The following HK1 variants were observed in gnomAD, a reference collection of about 807,000 sequenced individuals.
HK1 encodes hexokinase 1, also known as hexokinase-1.
In HK1, 28 loss-of-function variants were observed where a neutral mutation model predicts 91.6. The ratio of observed to expected loss-of-function variants is 0.31; its 90% CI spans 0.23 to 0.42. HK1 has a LOEUF of 0.42. Among genes scored for constraint, HK1 ranks in the 10% least tolerant of loss-of-function variants. HK1 has a pLI of 1.00. For missense variants in HK1, 770 were observed against 1,219.8 expected, an observed-to-expected ratio of 0.63 and a Z score of 5.49; for synonymous variants, 430 against 468.1, an observed-to-expected ratio of 0.92 and a Z score of 1.05.
chr10:69,389,546 A>G (rs1839802207), intron 14 of HK1: 4 of 512,414 alleles, frequency 7.8e-6, no homozygotes, highest in South Asian at 7.7e-5. Flanking sequence ...CAAGAACTGA[A>G]CTCTTCAGGA....
chr10:69,296,474 C>G (rs999861758), intron 4 of HK1: 1 of 152,046 alleles, frequency 6.6e-6, no homozygotes, highest in Non-Finnish European at 1.5e-5. Context: ...AAATAAGACT[C>G]GGTCTCCAGC....
chr10:69,317,567 A>G (rs2132557222), upstream of HK1, among the ~76,000 whole-genome samples: 1 of 152,276 alleles, frequency 6.6e-6, no homozygotes, highest in South Asian at 2.1e-4. Flanking sequence ...GTTGGATCTC[A>G]GGGCACCATA....
intron 5 of HK1, among the ~76,000 whole-genome samples, chr10:69,306,991 T>C (rs1846138393): frequency 1.3e-5 from 2 of 152,232 alleles, no homozygotes; most frequent in East Asian, 3.9e-4. Context: ...CAAATATGTG[T>C]TGGGTGAATA....
chr10:69,388,914 A>G (rs1051077613), intron 13 of HK1, among the ~76,000 whole-genome samples: 1 of 152,214 alleles, frequency 6.6e-6, no homozygotes, highest in Non-Finnish European at 1.5e-5. Context: ...CTATTTGACC[A>G]TTGCCCCTTG....
At chr10:69,377,456 C>G (rs951476944) in intron 8 of HK1, among the ~76,000 whole-genome samples, 3 of 151,712 alleles carry the variant, frequency 2.0e-5, no homozygotes, top group Non-Finnish European at 4.4e-5. Flanking sequence ...TGGTAAAGCC[C>G]GGAGCCTGGG....
At chr10:69,278,533 T>C (rs865969268) in intron 1 of HK1, 1 of 152,260 alleles carries the variant, frequency 6.6e-6, no homozygotes, top group Non-Finnish European at 1.5e-5. Flanking sequence ...GGTCAGGGAA[T>C]GCACTGGGGC....
intron 3 of HK1, among the ~76,000 whole-genome samples, chr10:69,292,744 A>T (rs1235264522): frequency 6.6e-6 from 1 of 152,164 alleles, no homozygotes; most frequent in Non-Finnish European, 1.5e-5. Context: ...GTTTTCCCCC[A>T]ACCTCCAGTG....
chr10:69,349,713 A>G (rs1207309266), intron 2 of HK1, among the ~76,000 whole-genome samples: 1 of 152,178 alleles, frequency 6.6e-6, no homozygotes, highest in Non-Finnish European at 1.5e-5. Flanking sequence ...ACTGGACACG[A>G]CAGCTCTGAA....
chr10:69,346,342 A>G (rs1254365741), intron 2 of HK1, among the ~76,000 whole-genome samples: 1 of 152,210 alleles, frequency 6.6e-6, no homozygotes, highest in Non-Finnish European at 1.5e-5. Flanking sequence ...TTCCAAGGCA[A>G]AGGAAGGAAA....
chr10:69,280,858 G>A (rs1445617494), intron 1 of HK1, among the ~76,000 whole-genome samples: 1 of 152,208 alleles, frequency 6.6e-6, no homozygotes, highest in Non-Finnish European at 1.5e-5. Context: ...AATATGATGT[G>A]CTAGGTTCTT....
rs1277528000 is a variant in HK1, at chr10:69,348,367, G to A, written c.226+4378G>A. Among the ~76,000 whole-genome samples, 3 of 152,168 alleles carry A rather than the reference G, an allele frequency of 2.0e-5. No homozygotes were observed. In the East Asian group the frequency reaches 5.8e-4, roughly 29 times the overall value. On this transcript the variant is annotated intron_variant, in intron 2 of 17. Coordinates refer to ENST00000359426, the MANE Select transcript of HK1 (RefSeq NM_000188.3). ...TTACCTTCTCTTCTTGCAGCATTTGGGTGGTCTCAGTTTTCTTATATGGAA... is the reference window on the plus strand; with the variant it reads ...TTACCTTCTCTTCTTGCAGCATTTGAGTGGTCTCAGTTTTCTTATATGGAA...
At chr10:69,295,053 CAAA>C (rs1190644487) in intron 3 of HK1, among the ~76,000 whole-genome samples, 3 of 117,098 alleles carry the variant, frequency 2.6e-5, no homozygotes, top group African/African-American at 3.1e-5. Flanking sequence ...GACCCTGTCT[CAAA>C]AAAAAAAAAA....
In HK1 at chr10:69,276,118, A is replaced by AAATATATATAT; in HGVS notation, c.-391+6011_-391+6012insATATATATATA. Among the ~76,000 whole-genome samples the AAATATATATAT allele has an allele frequency of 3.8e-3, 145 of 38,258 alleles. 16 individuals are homozygous for AAATATATATAT. The highest frequency in any genetic ancestry group is 0.011 in the South Asian group (7 of 644). The allele number at this position is 38,258 out of a possible 152,430, so 25.1% of individuals were successfully genotyped here. The stretch of plus-strand genomic sequence containing the variant: ...AAAAAAAAAAAAAAAAAAAAAAAAA[A>AAATATATATAT]ATACATATATATATATATATACACA... On this transcript the variant is annotated intron_variant, in intron 1 of 21. Coordinates refer to the HK1 transcript ENST00000360289.
chr10:69,372,464 G>A (rs1168542604), intron 7 of HK1, among the ~76,000 whole-genome samples: 1 of 152,176 alleles, frequency 6.6e-6, no homozygotes, highest in African/African-American at 2.4e-5. Context: ...GTTTTTCCAT[G>A]GAATGCCTAG....
chr10:69,384,696 T>C, intron 11 of HK1, 100 bp from the exon 12 acceptor site: 1 of 1,524,834 alleles, frequency 6.6e-7, no homozygotes, highest in Non-Finnish European at 9.1e-7. Context: ...GTGTGGGGTG[T>C]GTTTTCCTAC....
At chr10:69,270,536 T>C (rs1564743320) in intron 1 of HK1, among the ~76,000 whole-genome samples, 2 of 151,830 alleles carry the variant, frequency 1.3e-5, no homozygotes, top group South Asian at 2.1e-4. Flanking sequence ...TGACCCAAGA[T>C]TGTGCCACTG....
At chr10:69,376,761 C>T (rs962728412) in intron 7 of HK1, among the ~76,000 whole-genome samples, 173 bp from the exon 8 acceptor site, 8 of 152,172 alleles carry the variant, frequency 5.3e-5, no homozygotes, top group South Asian at 2.1e-4. Context: ...GCTTGGCTTC[C>T]GATCCCTCTC....
intron 1 of HK1, among the ~76,000 whole-genome samples, chr10:69,323,917 T>G (rs984105173): frequency 1.3e-5 from 2 of 152,210 alleles, no homozygotes; most frequent in African/African-American, 4.8e-5. Context: ...ATTTAGCCAC[T>G]GGAATCACCT....
At position 69,380,552 on chromosome 10, in the gene HK1, T is replaced by G. The variant is rs958215267; in HGVS notation, c.1265+457T>G. On this transcript the variant is annotated intron_variant, in intron 9 of 17. Coordinates refer to ENST00000359426, the MANE Select transcript of HK1 (RefSeq NM_000188.3). The surrounding 1 kb of genome is among the most constrained non-coding windows in gnomAD (Gnocchi z 4.0). ...CATCAGGAGGACCTTGGGTCATAGG[T>G]GTGGTACCCACATTCTTGTTTCAGA... Among the ~76,000 whole-genome samples the G allele has an allele frequency of 1.3e-5, 2 of 152,196 alleles. No homozygotes were observed.
Sources: allele counts gnomAD v4.1 joint callset (sites outside exome capture counted in the v4.1 genomes callset), GRCh38; gene constraint gnomAD v4.1.1; non-coding constraint Gnocchi (gnomAD v3.1); transcripts MANE v1.5; gene names NCBI Gene and HGNC (gene_info 2026-07-23, HGNC 2026-07-21).